FBXO31: variants seen among roughly 807,000 people sequenced by gnomAD.
The protein encoded by FBXO31 is F-box only protein 31.
In FBXO31, 24 loss-of-function variants were observed where a neutral mutation model predicts 54.4. The ratio of observed to expected loss-of-function variants is 0.44; its 90% confidence interval spans 0.32 to 0.62. FBXO31 has a LOEUF of 0.62. Among genes scored for constraint, FBXO31 ranks in the 20% least tolerant of loss-of-function variants. The pLI, the probability that FBXO31 is intolerant of heterozygous loss-of-function variation, is 0.05. For missense variants in FBXO31, 665 were observed against 787.1 expected, an observed-to-expected ratio of 0.84 and a Z score of 1.86; for synonymous variants, 388 against 335.6, an observed-to-expected ratio of 1.16 and a Z score of -1.71.
chr16:87,337,328 G>A (rs952934868), intron 5 of FBXO31, among the ~76,000 whole-genome samples: 1 of 152,168 alleles, frequency 6.6e-6, no homozygotes, highest in African/African-American at 2.4e-5. Flanking sequence ...TGGGGTCTGG[G>A]ACCCATCTTG....
intron 2 of FBXO31, among the ~76,000 whole-genome samples, chr16:87,353,559 G>C (rs566259811): frequency 6.6e-6 from 1 of 152,384 alleles, no homozygotes; most frequent in African/African-American, 2.4e-5. Context: ...TGGGGACAGA[G>C]GCAGGGGCTG....
upstream of FBXO31, chr16:87,383,884 C>A: frequency 1.7e-6 from 1 of 572,568 alleles, no homozygotes; most frequent in Non-Finnish European, 2.4e-6. The surrounding 1 kb of genome is among the most constrained non-coding windows in gnomAD (Gnocchi z 4.9). Flanking sequence ...TAGAGCTCCG[C>A]CCCGGCCGCG....
intron 1 of FBXO31, among the ~76,000 whole-genome samples, chr16:87,372,954 C>T (rs956556699): frequency 5.3e-5 from 8 of 151,124 alleles, no homozygotes; most frequent in Non-Finnish European, 1.0e-4. Context: ...AGGCTGGTCT[C>T]GAAATACTGA....
upstream of FBXO31, among the ~76,000 whole-genome samples, chr16:87,390,827 G>A (rs543160383): frequency 6.6e-6 from 1 of 151,874 alleles, no homozygotes; most frequent in African/African-American, 2.4e-5. Context: ...AAACTCCTGG[G>A]CTCAAGCGAT....
chr16:87,340,411 C>T (rs572740800), intron 5 of FBXO31, among the ~76,000 whole-genome samples: 12 of 152,312 alleles, frequency 7.9e-5, no homozygotes, highest in Admixed American at 6.5e-4. Flanking sequence ...AAAAGCAGCG[C>T]TACAAATTGA....
chr16:87,364,939 C>T (rs142768807), intron 1 of FBXO31, among the ~76,000 whole-genome samples: 1 of 141,596 alleles, frequency 7.1e-6, no homozygotes, highest in Non-Finnish European at 1.5e-5. Context: ...TCCAGGAGGT[C>T]GAGCCTGCAG....
chr16:87,335,552 T>A lies in FBXO31; in HGVS notation c.843-95A>T. ...CAGGGATGAGCTTTGCAGGGCGGGG[T>A]AGGGCGGGCAGCTCAGCTCAACCAG... On this transcript the variant is annotated intron_variant, in intron 6 of 8. Transcript: ENST00000311635. This position sits in a 1 kb window ranked among gnomAD's most constrained non-coding sequence, Gnocchi z 5.7. 1 of 1,046,776 alleles carries A rather than the reference T, an allele frequency of 9.6e-7. No individual in the cohort carries two copies. Among genetic ancestry groups the A allele is most frequent in the Non-Finnish European group, 1.4e-6 (1 of 733,782 alleles). The allele number at this position is 1,046,776 out of a possible 1,614,324, so 64.8% of individuals were successfully genotyped here. A position where few individuals can be genotyped will look rare whatever the true frequency, so the allele number is the denominator to read the frequency against.
Position 87,383,541 on chromosome 16 carries a change from C to G in FBXO31, c.204G>C (p.Leu68=). 6.4e-7 allele frequency: 1 copy of G among 1,567,062 alleles called. No individual in the cohort carries two copies. The highest frequency in any genetic ancestry group is 1.2e-5 in the South Asian group (1 of 85,338). Residue 68 remains leucine (L), a synonymous_variant, in exon 1 of 9, where the codon CTG becomes CTC. Transcript: ENST00000311635. This position sits in a 1 kb window ranked among gnomAD's most constrained non-coding sequence, Gnocchi z 4.9. ...CCACCAGCAGCTCGGGCGGCAGCTC[C>G]AGCAGCGAGCAGCGCGGGGGCGGCG... The part of the protein sequence containing the change: ...PSPPPPRCSL[L]ELPPELLVEI...
rs1905051732 is a variant in FBXO31, at chr16:87,336,568, C to T, written c.733-304G>A. On this transcript the variant is annotated intron_variant, in intron 5 of 8. Transcript: ENST00000311635. This position sits in a 1 kb window ranked among gnomAD's most constrained non-coding sequence, Gnocchi z 6.5. ...GCGGGGGCCACAGCCATGACCAGAACTCAGGGTGGGCCTCCCTTCCATGCC... is the reference window on the plus strand; with the variant it reads ...GCGGGGGCCACAGCCATGACCAGAATTCAGGGTGGGCCTCCCTTCCATGCC... Among the ~76,000 whole-genome samples the T allele has an allele frequency of 6.6e-6, 1 of 152,146 alleles. No individual in the cohort carries two copies. Among genetic ancestry groups the T allele is most frequent in the Non-Finnish European group, 1.5e-5 (1 of 68,016 alleles).
At chr16:87,360,441 G>A in intron 1 of FBXO31, 75 bp from the exon 2 acceptor site, 1 of 1,315,908 alleles carries the variant, frequency 7.6e-7, no homozygotes, top group Non-Finnish European at 1.1e-6. Context: ...GCTGCTGATG[G>A]CTGGCAGGGG....
intron 1 of FBXO31, among the ~76,000 whole-genome samples, chr16:87,365,775 G>T (rs1025229970): frequency 1.3e-5 from 2 of 152,184 alleles, no homozygotes; most frequent in Non-Finnish European, 2.9e-5. Flanking sequence ...GTTCACGCCT[G>T]TAATCCCAGC....
chr16:87,351,099 C>G (rs1056828723), intron 2 of FBXO31, among the ~76,000 whole-genome samples: 3 of 152,226 alleles, frequency 2.0e-5, no homozygotes, highest in Non-Finnish European at 2.9e-5. Flanking sequence ...TGCCAGCGCA[C>G]AGACCCAGAG....
upstream of FBXO31, among the ~76,000 whole-genome samples, chr16:87,387,413 G>C (rs1474683068): frequency 6.6e-6 from 1 of 152,194 alleles, no homozygotes; most frequent in Non-Finnish European, 1.5e-5. Context: ...CTCTTTGTTA[G>C]TGAGAACTGA....
At chr16:87,389,606 G>C (rs998539132) in intron 1 of FBXO31, 1 of 152,180 alleles carries the variant, frequency 6.6e-6, no homozygotes, top group African/African-American at 2.4e-5. Context: ...ACTCAGCCAA[G>C]AACGCACTCA....
At chr16:87,355,227 C>T (rs1211033004) in intron 2 of FBXO31, among the ~76,000 whole-genome samples, 9 of 152,176 alleles carry the variant, frequency 5.9e-5, no homozygotes, top group Admixed American at 5.2e-4. Flanking sequence ...GGGCCCACAG[C>T]GCAAGGTCCA....
rs552794356 is a variant in FBXO31, at chr16:87,357,245, A to G, written c.412+3050T>C. On this transcript the variant is annotated intron_variant, in intron 2 of 8. Coordinates refer to ENST00000311635, the MANE Select transcript of FBXO31 (RefSeq NM_024735.5). Reference sequence around the variant, plus strand: ...GGGCAACAAGACAGACCCTGTCTCAAAAAAAAAAAGTGGAGACAGCATTAA... The same window carrying G: ...GGGCAACAAGACAGACCCTGTCTCAGAAAAAAAAAGTGGAGACAGCATTAA... Among the ~76,000 whole-genome samples, 9 of 150,300 alleles carry G rather than the reference A, an allele frequency of 6.0e-5. No homozygotes were observed. The South Asian group carries it at 1.3e-3, about 21-fold the overall frequency.
rs999945882 is a variant in FBXO31, at chr16:87,347,700, A to C, written c.413-450T>G. On this transcript the variant is annotated intron_variant, in intron 2 of 8. Coordinates refer to ENST00000311635, the MANE Select transcript of FBXO31 (RefSeq NM_024735.5). ...GTCTCCAAAAAAAAAAAAAAAAAAA[A>C]ACTATCAGAATGAAACTATCCTCAG... Among the ~76,000 whole-genome samples the C allele has an allele frequency of 4.6e-5, 7 of 151,864 alleles. No individual in the cohort carries two copies. The South Asian group carries it at 1.0e-3, about 23-fold the overall frequency.
intron 2 of FBXO31, among the ~76,000 whole-genome samples, chr16:87,348,902 G>GTA: frequency 6.6e-6 from 1 of 152,342 alleles, no homozygotes; most frequent in East Asian, 1.9e-4. Flanking sequence ...AGGTAATGAG[G>GTA]GAGTACACCG....
At chr16:87,360,449 G>A (rs1042895839) in intron 1 of FBXO31, 83 bp from the exon 2 acceptor site, 6 of 1,204,710 alleles carry the variant, frequency 5.0e-6, no homozygotes, top group Admixed American at 1.8e-5. Flanking sequence ...TGGCTGGCAG[G>A]GGAGGTGCAC....
Sources: gnomAD v4.1 joint callset for allele counts (sites outside exome capture counted in the v4.1 genomes callset) on GRCh38, gnomAD v4.1.1 for gene constraint, Gnocchi (gnomAD v3.1) non-coding constraint, MANE v1.5 for transcripts, NCBI Gene and HGNC (gene_info 2026-07-23, HGNC 2026-07-21) for gene names.